Variants in CAMTA1 observed in about 807,000 individuals in gnomAD.
The protein encoded by CAMTA1 is calmodulin-binding transcription activator 1.
A neutral mutation model predicts 170.9 loss-of-function variants in CAMTA1; 27 were observed. That is an observed-to-expected ratio of 0.16 (90% CI 0.12 to 0.22). The LOEUF (loss-of-function observed/expected upper bound fraction) is 0.22, where lower values mean the gene tolerates loss of function less well. Ranked by LOEUF, CAMTA1 falls within the 10% of genes least tolerant of loss-of-function variation. The pLI is 1.00. For missense variants in CAMTA1, 1,619 were observed against 2,217.2 expected (o/e 0.73, Z 5.42); for synonymous variants, 833 against 891.5 (o/e 0.93, Z 1.17).
intron 7 of CAMTA1, among the ~76,000 whole-genome samples, chr1:7,647,287 G>GT (rs1453000371): frequency 6.6e-6 from 1 of 151,634 alleles, no homozygotes; most frequent in African/African-American, 2.4e-5. Flanking sequence ...AAGGGGGGGG[G>GT]GCTGTGTTTA....
rs2096742436 is a variant in CAMTA1, at chr1:7,732,633, C to T, written c.3066+34C>T. 9 of 1,539,344 alleles carry T rather than the reference C, an allele frequency of 5.8e-6. No homozygotes were observed. The highest frequency in any genetic ancestry group is 7.9e-6 in the Non-Finnish European group (9 of 1,141,664). ...CGGTGCTGATGCTCAGCTCCCATTT[C>T]GCTTCATGTTTATGGATTGGCGAGG... is the stretch of plus-strand genomic sequence containing the variant. On this transcript the variant is annotated intron_variant, in intron 12 of 22. Transcript: ENST00000303635. This position sits in a 1 kb window ranked among gnomAD's most constrained non-coding sequence, Gnocchi z 4.1.
At chr1:7,264,098 C>T (rs1211037647) in intron 5 of CAMTA1, among the ~76,000 whole-genome samples, 2 of 152,090 alleles carry the variant, frequency 1.3e-5, no homozygotes, top group Non-Finnish European at 2.9e-5. Context: ...GGGAGGGGCC[C>T]AGGAAGGGCC....
intron 6 of CAMTA1, among the ~76,000 whole-genome samples, chr1:7,491,563 G>A (rs973024665): frequency 1.3e-5 from 2 of 152,196 alleles, no homozygotes; most frequent in Admixed American, 6.5e-5. Context: ...GGGGAAAAAG[G>A]CAGAGCGTTA....
At chr1:7,386,034 C>T (rs115814505) in intron 5 of CAMTA1, among the ~76,000 whole-genome samples, 1,583 of 152,230 alleles carry the variant, frequency 0.01, 31 homozygotes, top group African/African-American at 0.037. Flanking sequence ...CAGGCTCCTC[C>T]GCTCCCCCAG....
chr1:6,999,970 C>T (rs964427227), intron 3 of CAMTA1, among the ~76,000 whole-genome samples: 2 of 152,244 alleles, frequency 1.3e-5, no homozygotes, highest in Non-Finnish European at 2.9e-5. Flanking sequence ...ATTGCAAGTC[C>T]CCCAACCAAG....
At position 7,007,340 on chromosome 1, in the gene CAMTA1, A is replaced by T. The variant is rs1489922294; in HGVS notation, c.235-83964A>T. ...GAGACTTGGAAGTGAGGGACCCGAA[A>T]ATGGGAACCCTTGCTAAGGACACAG... On this transcript the variant is annotated intron_variant, in intron 3 of 22. Transcript: ENST00000303635. This position sits in a 1 kb window ranked among gnomAD's most constrained non-coding sequence, Gnocchi z 4.5. 2.6e-5 allele frequency among the ~76,000 whole-genome samples: 4 copies of T among 152,162 alleles called. No homozygotes were observed. Among genetic ancestry groups the T allele is most frequent in the African/African-American group, 9.7e-5 (4 of 41,426 alleles).
intron 11 of CAMTA1, among the ~76,000 whole-genome samples, chr1:7,699,103 T>C (rs563877402): frequency 6.6e-6 from 1 of 152,348 alleles, no homozygotes; most frequent in African/African-American, 2.4e-5. Flanking sequence ...TGTCTATGTG[T>C]GTGTGTTACA....
At chr1:7,757,386 C>G (rs1439225784) in intron 22 of CAMTA1, among the ~76,000 whole-genome samples, 1 of 152,152 alleles carries the variant, frequency 6.6e-6, no homozygotes, top group Non-Finnish European at 1.5e-5. Flanking sequence ...TAGATTTTGG[C>G]CCACAGGTTG....
At chr1:7,205,393 A>G (rs1236985854) in intron 4 of CAMTA1, among the ~76,000 whole-genome samples, 1 of 152,134 alleles carries the variant, frequency 6.6e-6, no homozygotes, top group East Asian at 1.9e-4. Context: ...GTGAGCCACC[A>G]TGCCCGGCCT....
intron 11 of CAMTA1, among the ~76,000 whole-genome samples, chr1:7,712,326 A>ATT (rs112270408): frequency 0.016 from 2,281 of 146,636 alleles, 57 homozygotes; most frequent in African/African-American, 0.054. Context: ...TATAATTACT[A>ATT]TTTTTTTTTT....
At chr1:6,988,019 C>T (rs973992080) in intron 3 of CAMTA1, among the ~76,000 whole-genome samples, 1 of 152,238 alleles carries the variant, frequency 6.6e-6, no homozygotes, top group Non-Finnish European at 1.5e-5. Context: ...CTTCCCATCC[C>T]TCTTCCCTGG....
In CAMTA1 at chr1:7,680,690, C is replaced by T. The variant is rs2096184989; in HGVS notation, c.2914+2957C>T. On this transcript the variant is annotated intron_variant, in intron 11 of 22. Coordinates refer to ENST00000303635, the MANE Select transcript of CAMTA1 (RefSeq NM_015215.4). This position sits in a 1 kb window ranked among gnomAD's most constrained non-coding sequence, Gnocchi z 4.4. ...CTCCCTCGTTCGGTGGCCTCTGCTG[C>T]ATGTGGGATGCGCCCTTTGTCCCCT... Among the ~76,000 whole-genome samples, 1 of 152,040 alleles carries T rather than the reference C, an allele frequency of 6.6e-6. No homozygotes were observed. Among genetic ancestry groups the T allele is most frequent in the African/African-American group, 2.4e-5 (1 of 41,418 alleles).
rs540416844 is a variant in CAMTA1, at chr1:7,680,227, G to A, written c.2914+2494G>A. The A allele has an allele frequency of 4.9e-4, 131 of 267,742 alleles. 2 individuals are homozygous for A. In the Middle Eastern group the frequency reaches 6.7e-3, roughly 14 times the overall value. The allele number at this position is 267,742 out of a possible 1,614,324, so 16.6% of individuals were successfully genotyped here. A position where few individuals can be genotyped will look rare whatever the true frequency, so the allele number is the denominator to read the frequency against. On this transcript the variant is annotated intron_variant, in intron 11 of 22. Coordinates refer to ENST00000303635, the MANE Select transcript of CAMTA1 (RefSeq NM_015215.4). The surrounding 1 kb of genome is among the most constrained non-coding windows in gnomAD (Gnocchi z 4.4). ...GTGGCCGGGCGGTGGTGAGCCTTCC[G>A]TTCCCCGCCTGTCCCTCCCGGCCCC... is the stretch of plus-strand genomic sequence containing the variant.
At chr1:6,813,358 A>G (rs1236615630) in intron 1 of CAMTA1, among the ~76,000 whole-genome samples, 3 of 151,938 alleles carry the variant, frequency 2.0e-5, no homozygotes, top group East Asian at 3.9e-4. Flanking sequence ...ATAAATTGAT[A>G]TTTCATTTAT....
intron 6 of CAMTA1, among the ~76,000 whole-genome samples, chr1:7,528,539 C>T (rs1446812725): frequency 6.6e-6 from 1 of 152,022 alleles, no homozygotes. Context: ...CTGAGTCAGG[C>T]TGGTATCTGA....
intron 6 of CAMTA1, among the ~76,000 whole-genome samples, chr1:7,637,126 G>A (rs546361738): frequency 1.4e-4 from 22 of 152,350 alleles, no homozygotes; most frequent in Non-Finnish European, 2.2e-4. Flanking sequence ...GGAACTCCAC[G>A]GTTTGGGTTC....
intron 3 of CAMTA1, among the ~76,000 whole-genome samples, chr1:6,985,853 CAAAT>C (rs1695267133): frequency 1.3e-5 from 2 of 152,192 alleles, no homozygotes; most frequent in South Asian, 4.1e-4. Context: ...CGCTGACTAA[CAAAT>C]GAGGAGAGAG....
chr1:7,684,063 G>A (rs1041220601), intron 11 of CAMTA1, among the ~76,000 whole-genome samples: 3 of 152,264 alleles, frequency 2.0e-5, no homozygotes, highest in East Asian at 3.9e-4. Context: ...CAAGGAGTGG[G>A]TCACCTTGGA....
intron 4 of CAMTA1, among the ~76,000 whole-genome samples, chr1:7,099,877 T>C (rs1642515910): frequency 6.6e-6 from 1 of 152,204 alleles, no homozygotes. Context: ...TTATAGCCTG[T>C]GTTTCTTGCC....
Sources: gnomAD v4.1 joint callset for allele counts (sites outside exome capture counted in the v4.1 genomes callset) on GRCh38, gnomAD v4.1.1 for gene constraint, Gnocchi (gnomAD v3.1) non-coding constraint, MANE v1.5 for transcripts, NCBI Gene and HGNC (gene_info 2026-07-23, HGNC 2026-07-21) for gene names.